Variants in PPP2R5A observed in about 807,000 individuals in gnomAD.
PPP2R5A encodes protein phosphatase 2 regulatory subunit B'alpha, also known as serine/threonine-protein phosphatase 2A 56 kDa regulatory subunit alpha isoform.
A neutral mutation model predicts 64.2 loss-of-function variants in PPP2R5A; 25 were observed. The observed-to-expected ratio is 0.39, with a 90% CI of 0.28 to 0.54. The LOEUF (loss-of-function observed/expected upper bound fraction) is 0.54, where lower values mean the gene tolerates loss of function less well. PPP2R5A is among the 20% of genes least tolerant of loss of function. PPP2R5A has a pLI of 0.67. For missense variants in PPP2R5A, 425 were observed against 576.3 expected (o/e 0.74, Z 2.69); for synonymous variants, 198 against 201.2 (o/e 0.98, Z 0.13).
intron 1 of PPP2R5A, among the ~76,000 whole-genome samples, chr1:212,295,610 G>A (rs1020114683): frequency 2.6e-5 from 4 of 152,164 alleles, no homozygotes; most frequent in Non-Finnish European, 5.9e-5. Flanking sequence ...AGGGAAAAAG[G>A]TACAACCAAG....
At chr1:212,317,753 C>G (rs575532057) in intron 1 of PPP2R5A, among the ~76,000 whole-genome samples, 25 of 151,982 alleles carry the variant, frequency 1.6e-4, no homozygotes, top group African/African-American at 5.8e-4. Context: ...TTTAGGAGGC[C>G]GAGGCAGGCG....
At chr1:212,350,272 C>T (rs557247646) in intron 8 of PPP2R5A, among the ~76,000 whole-genome samples, 6 of 152,276 alleles carry the variant, frequency 3.9e-5, no homozygotes, top group Admixed American at 3.9e-4. Context: ...GATTTACAGT[C>T]TTTTCTAGAA....
intron 3 of PPP2R5A, among the ~76,000 whole-genome samples, chr1:212,338,681 G>C (rs1177674460): frequency 6.6e-6 from 1 of 152,116 alleles, no homozygotes; most frequent in Non-Finnish European, 1.5e-5. Context: ...CAGCTACTCA[G>C]GAGGCTGAGG....
intron 1 of PPP2R5A, 98 bp downstream of exon 1, chr1:212,286,389 A>G (rs897185077): frequency 2.2e-5 from 29 of 1,309,288 alleles, no homozygotes; most frequent in East Asian, 3.1e-5. Context: ...TCTCCTGCTC[A>G]GTTGGGACTG....
intron 8 of PPP2R5A, among the ~76,000 whole-genome samples, chr1:212,350,168 A>G (rs753293725): frequency 2.6e-5 from 4 of 152,214 alleles, no homozygotes; most frequent in Non-Finnish European, 5.9e-5. Flanking sequence ...TGAAAAAATC[A>G]TATACTTAGT....
intron 1 of PPP2R5A, among the ~76,000 whole-genome samples, chr1:212,321,096 C>T (rs1659276786): frequency 1.6e-5 from 2 of 124,280 alleles, no homozygotes; most frequent in Admixed American, 1.5e-4. Context: ...CCGGACGGGG[C>T]GGCTGGCCGG....
chr1:212,286,345 C>T (rs1658498596), intron 1 of PPP2R5A, 54 bp downstream of exon 1: 2 of 1,398,840 alleles, frequency 1.4e-6, no homozygotes, highest in Non-Finnish European at 1.9e-6. Flanking sequence ...GCAACGCTTG[C>T]CTCTGCGCCA....
At chr1:212,357,395 C>A in intron 11 of PPP2R5A, 111 bp downstream of exon 11, 2 of 989,370 alleles carry the variant, frequency 2.0e-6, no homozygotes, top group Non-Finnish European at 2.8e-6. Context: ...GAAGTTACTC[C>A]AAGGTTAACA....
rs943717072 is a variant in PPP2R5A at position 212,286,030 on chromosome 1, C to T, written c.-81C>T. On this transcript the variant is annotated 5_prime_UTR_variant, in exon 1 of 13. Coordinates refer to ENST00000261461, the MANE Select transcript of PPP2R5A (RefSeq NM_006243.4). ...GGGGCGCGAGCACCCCGCGCCTCTC[C>T]CCCGCCTCCTCCTGCCGTCTCCGCC... 23 of 1,387,138 alleles carry T rather than the reference C, an allele frequency of 1.7e-5. No homozygotes were observed. Among genetic ancestry groups the T allele is most frequent in the South Asian group, 6.1e-5 (4 of 65,682 alleles). The allele number at this position is 1,387,138 out of a possible 1,614,324, so 85.9% of individuals were successfully genotyped here.
chr1:212,357,803 CA>C lies in PPP2R5A; in HGVS notation c.1226+534del, dbSNP rs767448983. Reference sequence around the variant, plus strand: ...GGGCGACAGAGCAAGATTCCGTCTCCAAAAAAAAAAAAAAAGAGAGTCTTGC... The same window carrying C: ...GGGCGACAGAGCAAGATTCCGTCTCCAAAAAAAAAAAAAAGAGAGTCTTGC... On this transcript the variant is annotated intron_variant, in intron 11 of 12. Coordinates refer to ENST00000261461, the MANE Select transcript of PPP2R5A (RefSeq NM_006243.4). The C allele has an allele frequency of 1.3e-3, 156 of 117,956 alleles. 2 individuals are homozygous for C. Among genetic ancestry groups the C allele is most frequent in the South Asian group, 1.6e-3 (6 of 3,702 alleles). The allele number at this position is 117,956 out of a possible 1,614,324, so 7.3% of individuals were successfully genotyped here.
intron 5 of PPP2R5A, among the ~76,000 whole-genome samples, chr1:212,346,379 C>G (rs1184554803): frequency 2.6e-5 from 4 of 151,840 alleles, no homozygotes; most frequent in Admixed American, 1.3e-4. Context: ...GTAGTCATCC[C>G]TCAGTATCTG....
At position 212,356,621 on chromosome 1, in the gene PPP2R5A, C is replaced by CCT; in HGVS notation, c.928-5_928-4insCT. ...AATTCATGCTAAACTTTTTCTTTTTCGCAGGTGATCAGAGGACTGCTGAAA... is the reference window on the plus strand; with the variant it reads ...AATTCATGCTAAACTTTTTCTTTTTCCTGCAGGTGATCAGAGGACTGCTGAAA... On this transcript the variant is annotated splice_polypyrimidine_tract_variant and splice_region_variant and intron_variant, in intron 8 of 12. Transcript: ENST00000261461. The CCT allele has an allele frequency of 6.2e-7, 1 of 1,604,304 alleles. No homozygotes were observed. The highest frequency in any genetic ancestry group is 8.5e-7 in the Non-Finnish European group (1 of 1,176,862).
chr1:212,348,607 T>C (rs1015700379), intron 7 of PPP2R5A, 110 bp downstream of exon 7: 15 of 842,824 alleles, frequency 1.8e-5, no homozygotes, highest in Admixed American at 1.6e-4. Flanking sequence ...ATTAAGCAAT[T>C]TGCTTACAAA....
intron 8 of PPP2R5A, among the ~76,000 whole-genome samples, chr1:212,356,116 A>G (rs558466657): frequency 3.0e-4 from 45 of 152,246 alleles, no homozygotes; most frequent in Admixed American, 8.5e-4. Flanking sequence ...TATTCTGGTT[A>G]TAAAGATTGT....
intron 1 of PPP2R5A, among the ~76,000 whole-genome samples, chr1:212,327,087 A>G (rs1181980580): frequency 1.2e-4 from 18 of 152,202 alleles, no homozygotes; most frequent in Admixed American, 9.2e-4. Context: ...CCCTGGAGTA[A>G]TTACGAAGCA....
At position 212,358,852 on chromosome 1, in the gene PPP2R5A, C is replaced by T. The variant is rs187978028; in HGVS notation, c.1328+65C>T. Reference sequence around the variant, plus strand: ...TATGTTAGTTGAATGTGATTCAGTTCAGGAAGGTATCTTCTCTCAGTTCAG... The same window carrying T: ...TATGTTAGTTGAATGTGATTCAGTTTAGGAAGGTATCTTCTCTCAGTTCAG... On this transcript the variant is annotated intron_variant, in intron 12 of 12. Transcript: ENST00000261461. 5.3e-4 allele frequency: 690 copies of T among 1,297,926 alleles called. 2 individuals carry two copies. In the African/African-American group the frequency reaches 8.8e-3, roughly 17 times the overall value. The allele number at this position is 1,297,926 out of a possible 1,614,324, so 80.4% of individuals were successfully genotyped here.
intron 8 of PPP2R5A, among the ~76,000 whole-genome samples, chr1:212,354,689 A>G (rs1659946932): frequency 1.3e-5 from 2 of 151,238 alleles, no homozygotes; most frequent in African/African-American, 4.9e-5. Context: ...AGCCTAGGCA[A>G]CAGAGTGAGG....
chr1:212,348,365 T>C, intron 6 of PPP2R5A, 24 bp from the exon 7 acceptor site: 1 of 1,467,278 alleles, frequency 6.8e-7, no homozygotes, highest in African/African-American at 1.4e-5. Context: ...ACTTAACCCT[T>C]CCCCTGCCTT....
At chr1:212,328,695 C>T (rs559729967) in intron 1 of PPP2R5A, among the ~76,000 whole-genome samples, 1 of 152,208 alleles carries the variant, frequency 6.6e-6, no homozygotes, top group South Asian at 2.1e-4. Flanking sequence ...GAGCAATTAG[C>T]ATATCATTGC....
Sources: allele counts gnomAD v4.1 joint callset (sites outside exome capture counted in the v4.1 genomes callset), GRCh38; gene constraint gnomAD v4.1.1; transcripts MANE v1.5; gene names NCBI Gene and HGNC (gene_info 2026-07-23, HGNC 2026-07-21).